PCDHGA6: variants seen among roughly 807,000 people sequenced by gnomAD.
PCDHGA6 encodes the protein protocadherin gamma subfamily A, 6.
PCDHGA6 carries 41 observed loss-of-function variants against 60.6 expected under a neutral mutation model. The ratio of observed to expected loss-of-function variants is 0.68; its 90% CI spans 0.53 to 0.88. The LOEUF (loss-of-function observed/expected upper bound fraction) is 0.88. Among genes scored for constraint, PCDHGA6 ranks in the 40% least tolerant of loss-of-function variants. The pLI is 0.00. For synonymous variants in PCDHGA6, 594 were observed against 524.4 expected, an observed-to-expected ratio of 1.13 and a Z score of -1.81; for missense variants, 1,312 against 1,203.0, an observed-to-expected ratio of 1.09 and a Z score of -1.34.
rs192631651 is a variant in PCDHGA6 at position 141,432,052 on chromosome 5, C to T, written c.2424+55545C>T. On this transcript the variant is annotated intron_variant, in intron 1 of 3. Transcript: ENST00000517434. This position sits in a 1 kb window ranked among gnomAD's most constrained non-coding sequence, Gnocchi z 6.0. ...CCGCCACTGACCGGGGAACCCCGCC[C>T]CTATCCACGGAAACTCATATCTCGC... is the stretch of plus-strand genomic sequence containing the variant. The T allele has an allele frequency of 1.2e-6, 2 of 1,614,108 alleles. No individual in the cohort carries two copies. The highest frequency in any genetic ancestry group is 1.3e-5 in the African/African-American group (1 of 74,930).
intron 2 of PCDHGA6, 141 bp downstream of exon 2, chr5:141,495,006 G>A (rs1030195663): frequency 1.3e-6 from 2 of 1,521,564 alleles, no homozygotes; most frequent in Non-Finnish European, 1.8e-6. Flanking sequence ...CTTGGTGTGC[G>A]GGGGGCTGGC....
chr5:141,383,308 G>A, intron 1 of PCDHGA6: 1 of 1,613,976 alleles, frequency 6.2e-7, no homozygotes, highest in Non-Finnish European at 8.5e-7. Context: ...CTTGACGGAA[G>A]AAATAAATGT....
In PCDHGA6 at chr5:141,404,188, A is replaced by C. The variant is rs1001365354; in HGVS notation, c.2424+27681A>C. On this transcript the variant is annotated intron_variant, in intron 1 of 3. Transcript: ENST00000517434. Reference sequence around the variant, plus strand: ...TGTTGACGGCCCAAATTCTTGACCGAGAAAAAGCCTCAGAATATAATATCA... The same window carrying C: ...TGTTGACGGCCCAAATTCTTGACCGCGAAAAAGCCTCAGAATATAATATCA... 3.7e-6 allele frequency: 6 copies of C among 1,613,398 alleles called. No individual in the cohort carries two copies. The African/African-American group carries it at 5.3e-5, about 14-fold the overall frequency.
At position 141,397,472 on chromosome 5, in the gene PCDHGA6, A is replaced by T. The variant is rs548612657; in HGVS notation, c.2424+20965A>T. 6.6e-4 allele frequency among the ~76,000 whole-genome samples: 100 copies of T among 152,362 alleles called. 1 individual carries two copies. Among genetic ancestry groups the T allele is most frequent in the African/African-American group, 2.4e-3 (99 of 41,586 alleles). ...AACACTAGAAATATTGGGGAGTTGG[A>T]AATCATAGAAATGAACAGAAGAATG... On this transcript the variant is annotated intron_variant, in intron 1 of 3. Coordinates refer to ENST00000517434, the MANE Select transcript of PCDHGA6 (RefSeq NM_018919.3).
At chr5:141,501,997 C>A (rs2099812238) in intron 2 of PCDHGA6, among the ~76,000 whole-genome samples, 1 of 152,128 alleles carries the variant, frequency 6.6e-6, no homozygotes, top group Non-Finnish European at 1.5e-5. Context: ...GTCTCCCTGA[C>A]AACCCGCATG....
In PCDHGA6 at chr5:141,477,500, T is replaced by C. The variant is rs757547508; in HGVS notation, c.2425-17307T>C. The C allele has an allele frequency of 3.1e-6, 5 of 1,614,156 alleles. No homozygotes were observed. Among genetic ancestry groups the C allele is most frequent in the Non-Finnish European group, 4.2e-6 (5 of 1,180,026 alleles). ...CCCTCCACAATCTTCTCAATCTTCC[T>C]ACGACGTTTACATTGAAGAAAACAA... On this transcript the variant is annotated intron_variant, in intron 1 of 3. Coordinates refer to ENST00000517434, the MANE Select transcript of PCDHGA6 (RefSeq NM_018919.3). This position sits in a 1 kb window ranked among gnomAD's most constrained non-coding sequence, Gnocchi z 4.9.
chr5:141,467,788 A>G (rs2099151778), intron 1 of PCDHGA6, among the ~76,000 whole-genome samples: 1 of 152,020 alleles, frequency 6.6e-6, no homozygotes. Flanking sequence ...CCTCTCAAGT[A>G]GCTGGGACTA....
In PCDHGA6 at chr5:141,490,000, A is replaced by G. The variant is rs762999106; in HGVS notation, c.2425-4807A>G. The G allele has an allele frequency of 6.2e-7, 1 of 1,614,198 alleles. No individual in the cohort carries two copies. Among genetic ancestry groups the G allele is most frequent in the Admixed American group, 1.7e-5 (1 of 60,032 alleles). ...AGTTCTACGTGTGGGAATCCCAGAG[A>G]ATGCACCCATTGGTACTCTGCTGCT... On this transcript the variant is annotated intron_variant, in intron 1 of 3. Coordinates refer to ENST00000517434, the MANE Select transcript of PCDHGA6 (RefSeq NM_018919.3). The surrounding 1 kb of genome is among the most constrained non-coding windows in gnomAD (Gnocchi z 4.5).
At chr5:141,438,268 C>T (rs949472857) in intron 1 of PCDHGA6, among the ~76,000 whole-genome samples, 1 of 152,054 alleles carries the variant, frequency 6.6e-6, no homozygotes. Flanking sequence ...ACCATAGAAT[C>T]AAACAAAATA....
In PCDHGA6 at chr5:141,477,147, A is replaced by G. The variant is rs1195888163; in HGVS notation, c.2425-17660A>G. On this transcript the variant is annotated intron_variant, in intron 1 of 3. Coordinates refer to ENST00000517434, the MANE Select transcript of PCDHGA6 (RefSeq NM_018919.3). The surrounding 1 kb of genome is among the most constrained non-coding windows in gnomAD (Gnocchi z 4.9). The stretch of plus-strand genomic sequence containing the variant: ...TGCAAAGTGTTGGTGGAGGTTGTGG[A>G]TGTGAATGACAACGCCCCGGAGATC... 2 of 1,614,168 alleles carry G rather than the reference A, an allele frequency of 1.2e-6. No individual in the cohort carries two copies. The highest frequency in any genetic ancestry group is 1.1e-5 in the South Asian group (1 of 91,080).
chr5:141,404,628 C>T (rs1183309479), intron 1 of PCDHGA6: 2 of 1,614,100 alleles, frequency 1.2e-6, no homozygotes, highest in Non-Finnish European at 1.7e-6. Flanking sequence ...AATGACAATG[C>T]CCCAGAAATC....
chr5:141,476,317 G>T lies in PCDHGA6; in HGVS notation c.2425-18490G>T, dbSNP rs759809060. ...GTAGCCTCTCAGCCCGCAGGTTCCG[G>T]GTGGTGTCTGGAGCTAGCCGAAGAT... On this transcript the variant is annotated intron_variant, in intron 1 of 3. Transcript: ENST00000517434. This position sits in a 1 kb window ranked among gnomAD's most constrained non-coding sequence, Gnocchi z 7.6. 1.9e-6 allele frequency: 3 copies of T among 1,614,170 alleles called. No individual in the cohort carries two copies. The highest frequency in any genetic ancestry group is 1.7e-5 in the Admixed American group (1 of 60,024).
chr5:141,415,905 C>T (rs1278855649), intron 1 of PCDHGA6: 5 of 801,160 alleles, frequency 6.2e-6, no homozygotes, highest in Non-Finnish European at 8.6e-6. Context: ...GACAGACTTC[C>T]ATACAGAAGT....
intron 1 of PCDHGA6, among the ~76,000 whole-genome samples, chr5:141,438,615 T>C (rs566173071): frequency 5.6e-5 from 2 of 35,920 alleles, no homozygotes; most frequent in Admixed American, 4.1e-4. Flanking sequence ...TATATATATA[T>C]ATATATATAT....
chr5:141,399,465 G>C (rs770080703), intron 1 of PCDHGA6: 20 of 1,614,014 alleles, frequency 1.2e-5, no homozygotes, highest in Non-Finnish European at 1.7e-5. Flanking sequence ...ATAACGCTCC[G>C]GTTTTCCACC....
At chr5:141,402,260 A>C (rs2094244604) in intron 1 of PCDHGA6, among the ~76,000 whole-genome samples, 2 of 152,144 alleles carry the variant, frequency 1.3e-5, no homozygotes, top group South Asian at 4.1e-4. Context: ...AACCCCAGAA[A>C]ATAATTTCAA....
At chr5:141,390,887 T>TGTGA (rs553460991) in intron 1 of PCDHGA6, 1,524 of 151,180 alleles carry the variant, frequency 0.01, 16 homozygotes, top group Non-Finnish European at 0.015. Flanking sequence ...TGTGTGTGTG[T>TGTGA]GAGAGAGATC....
At chr5:141,415,974 C>T (rs2095976813) in intron 1 of PCDHGA6, 1 of 375,644 alleles carries the variant, frequency 2.7e-6, no homozygotes, top group African/African-American at 2.1e-5. Flanking sequence ...GCCCCTTAAG[C>T]AACCCTCTTG....
rs2099746025 is a variant in PCDHGA6 at position 141,493,066 on chromosome 5, T to C, written c.2425-1741T>C. On this transcript the variant is annotated intron_variant, in intron 1 of 3. Coordinates refer to ENST00000517434, the MANE Select transcript of PCDHGA6 (RefSeq NM_018919.3). This position sits in a 1 kb window ranked among gnomAD's most constrained non-coding sequence, Gnocchi z 4.3. ...AACTACAATAGTAAAAAACACAAGT[T>C]TCTCCAACTCCAGGAGCTTTTATTC... Among the ~76,000 whole-genome samples the C allele has an allele frequency of 6.6e-6, 1 of 152,202 alleles. No homozygotes were observed. Among genetic ancestry groups the C allele is most frequent in the East Asian group, 1.9e-4 (1 of 5,194 alleles).
Sources: gnomAD v4.1 joint callset for allele counts (sites outside exome capture counted in the v4.1 genomes callset) on GRCh38, gnomAD v4.1.1 for gene constraint, Gnocchi (gnomAD v3.1) non-coding constraint, MANE v1.5 for transcripts, NCBI Gene and HGNC (gene_info 2026-07-23, HGNC 2026-07-21) for gene names.